The following VWC2L variants were observed in gnomAD, a reference collection of about 807,000 sequenced individuals.
The protein encoded by VWC2L is von Willebrand factor C domain containing 2 like.
Under a neutral mutation model 21.6 loss-of-function variants are expected in VWC2L, and 10 were observed. That is an observed-to-expected ratio of 0.46 (90% CI 0.29 to 0.78). The LOEUF (loss-of-function observed/expected upper bound fraction) is 0.78, where lower values mean the gene tolerates loss of function less well. VWC2L is among the 30% of genes least tolerant of loss of function. The pLI is 0.10. For synonymous variants in VWC2L, 96 were observed against 94.3 expected (o/e 1.02, Z -0.10); for missense variants, 209 against 277.1 (o/e 0.75, Z 1.74).
At chr2:214,532,759 G>C (rs1379297222) in intron 3 of VWC2L, among the ~76,000 whole-genome samples, 1 of 152,102 alleles carries the variant, frequency 6.6e-6, no homozygotes, top group Non-Finnish European at 1.5e-5. Flanking sequence ...AATGGGGTAT[G>C]GGTGAAGAGC....
At chr2:214,531,954 ATCATACCACAATACTACTATTTCTCTC>A (rs2105916418) in intron 3 of VWC2L, among the ~76,000 whole-genome samples, 1 of 152,254 alleles carries the variant, frequency 6.6e-6, no homozygotes, top group East Asian at 1.9e-4. Context: ...TTCATAAGGA[ATCATACCACAATACTACTATTTCTCTC>A]TCAGCTCAGT....
chr2:214,567,828 C>T (rs1690092211), intron 3 of VWC2L, among the ~76,000 whole-genome samples: 1 of 152,060 alleles, frequency 6.6e-6, no homozygotes, highest in African/African-American at 2.4e-5. Flanking sequence ...TTTATTGTCT[C>T]ACCTGTAAAA....
intron 3 of VWC2L, among the ~76,000 whole-genome samples, chr2:214,561,784 T>TTATATA (rs67223012): frequency 1.1e-4 from 14 of 128,678 alleles, no homozygotes; most frequent in African/African-American, 4.7e-4. Flanking sequence ...TCAAAAAAAA[T>TTATATA]TATATATATA....
chr2:214,496,399 C>G (rs1052926117), intron 3 of VWC2L, among the ~76,000 whole-genome samples: 1 of 152,076 alleles, frequency 6.6e-6, no homozygotes, highest in Admixed American at 6.6e-5. Flanking sequence ...TAATAGGCAT[C>G]CTCTTCTGGA....
At chr2:214,568,649 A>G (rs1412522990) in intron 3 of VWC2L, among the ~76,000 whole-genome samples, 1 of 152,198 alleles carries the variant, frequency 6.6e-6, no homozygotes, top group East Asian at 1.9e-4. Context: ...CACTATCACA[A>G]GAACAGCACA....
intron 3 of VWC2L, among the ~76,000 whole-genome samples, chr2:214,495,636 A>G (rs565367193): frequency 3.2e-4 from 48 of 152,228 alleles, no homozygotes; most frequent in African/African-American, 1.1e-3. Flanking sequence ...GAGAACCAGT[A>G]TATTTCTACC....
At chr2:214,562,466 A>G (rs1258524109) in intron 3 of VWC2L, among the ~76,000 whole-genome samples, 4 of 152,216 alleles carry the variant, frequency 2.6e-5, no homozygotes, top group African/African-American at 9.6e-5. Context: ...GCATGCATGT[A>G]TCTTTGTAAC....
At chr2:214,523,694 C>G (rs774472226) in intron 3 of VWC2L, among the ~76,000 whole-genome samples, 3 of 152,040 alleles carry the variant, frequency 2.0e-5, no homozygotes, top group Admixed American at 2.0e-4. Flanking sequence ...CAAAACTTAA[C>G]TGGTTGTGGT....
intron 3 of VWC2L, among the ~76,000 whole-genome samples, chr2:214,468,976 T>C (rs1008699420): frequency 6.6e-6 from 1 of 152,206 alleles, no homozygotes; most frequent in African/African-American, 2.4e-5. Context: ...AATGTATATA[T>C]TTTTTGAAAG....
At chr2:214,535,482 T>C (rs1034625159) in intron 3 of VWC2L, among the ~76,000 whole-genome samples, 3 of 148,948 alleles carry the variant, frequency 2.0e-5, no homozygotes, top group Non-Finnish European at 3.0e-5. Context: ...CCTATTGAAA[T>C]GTGATCTGAG....
At chr2:214,483,875 T>A (rs1012022697) in intron 3 of VWC2L, among the ~76,000 whole-genome samples, 3 of 152,156 alleles carry the variant, frequency 2.0e-5, no homozygotes, top group Admixed American at 1.3e-4. Flanking sequence ...CAAGGTACCA[T>A]GAACTGAGTG....
At chr2:214,429,802 A>C (rs1002728648) in intron 2 of VWC2L, among the ~76,000 whole-genome samples, 12 of 151,452 alleles carry the variant, frequency 7.9e-5, no homozygotes, top group African/African-American at 2.7e-4. Context: ...AAACTTTACC[A>C]AAAAAATTTT....
At chr2:214,501,991 C>T (rs554158886) in intron 3 of VWC2L, among the ~76,000 whole-genome samples, 3 of 152,264 alleles carry the variant, frequency 2.0e-5, no homozygotes, top group Non-Finnish European at 4.4e-5. Context: ...GCAAGATGAG[C>T]GGAACTCCCC....
At chr2:214,523,119 G>A (rs1247389813) in intron 3 of VWC2L, among the ~76,000 whole-genome samples, 2 of 152,130 alleles carry the variant, frequency 1.3e-5, no homozygotes, top group Admixed American at 1.3e-4. Flanking sequence ...TTGTTTCAAT[G>A]GCTAAAATGT....
intron 3 of VWC2L, among the ~76,000 whole-genome samples, chr2:214,494,890 T>C (rs543307799): frequency 1.8e-4 from 27 of 152,192 alleles, no homozygotes; most frequent in Non-Finnish European, 2.6e-4. Flanking sequence ...GTGACAAATA[T>C]ACTGCTGTTC....
intron 3 of VWC2L, among the ~76,000 whole-genome samples, chr2:214,464,756 C>A (rs1703191095): frequency 1.3e-5 from 2 of 152,062 alleles, no homozygotes; most frequent in African/African-American, 4.8e-5. Context: ...CAGAGCAGGT[C>A]CCAGAATGTC....
chr2:214,530,795 C>T (rs575475081), intron 3 of VWC2L, among the ~76,000 whole-genome samples: 2 of 152,278 alleles, frequency 1.3e-5, no homozygotes, highest in Admixed American at 6.5e-5. Flanking sequence ...TATGCCCACT[C>T]ATAAGCAAAG....
intron 2 of VWC2L, among the ~76,000 whole-genome samples, chr2:214,420,796 G>A (rs1292130310): frequency 6.6e-6 from 1 of 152,190 alleles, no homozygotes; most frequent in Non-Finnish European, 1.5e-5. Flanking sequence ...GAGAGGTTGA[G>A]AAGATTAATT....
At chr2:214,487,025 G>A (rs1454040966) in intron 3 of VWC2L, among the ~76,000 whole-genome samples, 1 of 152,144 alleles carries the variant, frequency 6.6e-6, no homozygotes, top group Non-Finnish European at 1.5e-5. Context: ...CAACTAATAG[G>A]ACTGGTGTCC....
Sources: allele counts gnomAD v4.1 joint callset (sites outside exome capture counted in the v4.1 genomes callset), GRCh38; gene constraint gnomAD v4.1.1; transcripts MANE v1.5; gene names NCBI Gene and HGNC (gene_info 2026-07-23, HGNC 2026-07-21).